RLN2: variants seen among roughly 807,000 people sequenced by gnomAD.
RLN2 encodes prorelaxin H2.
A neutral mutation model predicts 7.3 loss-of-function variants in RLN2; 10 were observed. The ratio of observed to expected loss-of-function variants is 1.36; its 90% CI spans 0.84 to 2.31. The LOEUF is 2.31. Among genes scored for constraint, RLN2 ranks in the 30% most tolerant of loss-of-function variants. The pLI, the probability that RLN2 is intolerant of heterozygous loss-of-function variation, is 0.00. For synonymous variants in RLN2, 103 were observed against 82.3 expected, an observed-to-expected ratio of 1.25 and a Z score of -1.36; for missense variants, 298 against 217.6, an observed-to-expected ratio of 1.37 and a Z score of -2.32.
the RLN2 span, among the ~76,000 whole-genome samples, chr9:5,319,154 C>T: frequency 4.6e-5 from 7 of 151,906 alleles, no homozygotes; most frequent in Admixed American, 1.3e-4. Context: ...ACTATAAACA[C>T]GTTCACTGCA....
At chr9:5,329,198 G>A in the RLN2 span, among the ~76,000 whole-genome samples, 49 of 150,530 alleles carry the variant, frequency 3.3e-4, 1 homozygote, top group African/African-American at 1.2e-3. Flanking sequence ...AGCTACTCGG[G>A]AGGCTGAGGC....
chr9:5,311,629 T>C, the RLN2 span: 6 of 1,291,488 alleles, frequency 4.6e-6, no homozygotes, highest in Middle Eastern at 2.4e-4. Flanking sequence ...AAGCTGATGC[T>C]GGCAAGGAGG....
the RLN2 span, chr9:5,335,346 T>C: frequency 2.9e-5 from 47 of 1,613,140 alleles, no homozygotes; most frequent in Admixed American, 8.3e-5. Flanking sequence ...TGAGAATGAG[T>C]ATCCAAGCCT....
At chr9:5,316,607 T>C in the RLN2 span, among the ~76,000 whole-genome samples, 1 of 152,062 alleles carries the variant, frequency 6.6e-6, no homozygotes, top group African/African-American at 2.4e-5. Context: ...TCCATATCCC[T>C]GCAAAGGACA....
chr9:5,310,101 A>C, the RLN2 span, among the ~76,000 whole-genome samples: 1 of 151,980 alleles, frequency 6.6e-6, no homozygotes, highest in Non-Finnish European at 1.5e-5. Context: ...AGCAGGGTGC[A>C]GGAAGCAGGA....
upstream of RLN2, among the ~76,000 whole-genome samples, chr9:5,305,335 C>T (rs1352951139): frequency 6.9e-6 from 1 of 145,726 alleles, no homozygotes; most frequent in Admixed American, 7.0e-5. Flanking sequence ...TTCTAATCTA[C>T]ATCTCTGGAG....
At chr9:5,332,772 C>T in the RLN2 span, among the ~76,000 whole-genome samples, 2 of 151,778 alleles carry the variant, frequency 1.3e-5, no homozygotes, top group Non-Finnish European at 2.9e-5. Context: ...CACACCACCA[C>T]TCCTGGCTAA....
At chr9:5,335,829 T>A in the RLN2 span, among the ~76,000 whole-genome samples, 2 of 152,036 alleles carry the variant, frequency 1.3e-5, no homozygotes, top group African/African-American at 4.8e-5. Flanking sequence ...TCCTCTCTCG[T>A]CTCTCTTCAT....
the RLN2 span, among the ~76,000 whole-genome samples, chr9:5,315,535 A>G: frequency 2.6e-5 from 4 of 152,042 alleles, no homozygotes; most frequent in Admixed American, 6.5e-5. Context: ...TTATATAATG[A>G]AATAATTGCT....
chr9:5,333,281 A>G, the RLN2 span, among the ~76,000 whole-genome samples: 3 of 151,970 alleles, frequency 2.0e-5, no homozygotes, highest in African/African-American at 7.3e-5. Context: ...ATCCTACAAC[A>G]CTGATAAAGA....
chr9:5,301,375 C>T (rs1422525274), intron 1 of RLN2, among the ~76,000 whole-genome samples: 2 of 152,180 alleles, frequency 1.3e-5, no homozygotes, highest in African/African-American at 2.4e-5. Context: ...TACCTGTTTC[C>T]ATGTCTCTGG....
the RLN2 span, among the ~76,000 whole-genome samples, chr9:5,325,428 A>C: frequency 6.6e-6 from 1 of 152,122 alleles, no homozygotes; most frequent in East Asian, 1.9e-4. Flanking sequence ...TTTGTTTTGC[A>C]TGGCACTCAG....
intron 1 of RLN2, among the ~76,000 whole-genome samples, chr9:5,300,873 C>A (rs1387322402): frequency 1.3e-5 from 2 of 152,164 alleles, no homozygotes; most frequent in South Asian, 4.2e-4. Context: ...GTAATAGTAA[C>A]CCTTGAAAAA....
chr9:5,308,229 T>C (rs1304246331), upstream of RLN2, among the ~76,000 whole-genome samples: 1 of 152,006 alleles, frequency 6.6e-6, no homozygotes, highest in Admixed American at 6.6e-5. Context: ...GCCATCGTGA[T>C]CTTCAAAAAG....
intron 1 of RLN2, among the ~76,000 whole-genome samples, chr9:5,300,675 GTC>G (rs1335622782): frequency 3.9e-5 from 6 of 151,992 alleles, no homozygotes; most frequent in Non-Finnish European, 5.9e-5. Flanking sequence ...GTCCTCTCTC[GTC>G]TCTCTTCATG....
At chr9:5,320,899 G>A in the RLN2 span, among the ~76,000 whole-genome samples, 1 of 152,022 alleles carries the variant, frequency 6.6e-6, no homozygotes, top group Non-Finnish European at 1.5e-5. Context: ...ACAGATGGAA[G>A]CCAGCTATGG....
chr9:5,333,632 C>T, the RLN2 span, among the ~76,000 whole-genome samples: 2 of 152,040 alleles, frequency 1.3e-5, no homozygotes, highest in South Asian at 2.1e-4. Flanking sequence ...TGATTCGAAA[C>T]AACTGAAAAG....
the RLN2 span, among the ~76,000 whole-genome samples, chr9:5,330,018 C>T: frequency 6.6e-6 from 1 of 151,952 alleles, no homozygotes; most frequent in African/African-American, 2.4e-5. Flanking sequence ...TAGTAAAACA[C>T]TCCTCAGCAA....
the RLN2 span, among the ~76,000 whole-genome samples, chr9:5,331,691 T>C: frequency 6.6e-6 from 1 of 151,728 alleles, no homozygotes; most frequent in South Asian, 2.1e-4. Flanking sequence ...GTGGGAGGGA[T>C]AGCATTAGGA....
Sources: allele counts gnomAD v4.1 joint callset (sites outside exome capture counted in the v4.1 genomes callset), GRCh38; gene constraint gnomAD v4.1.1; transcripts MANE v1.5; gene names NCBI Gene and HGNC (gene_info 2026-07-23, HGNC 2026-07-21).